Variants in NCKAP5 observed in about 807,000 individuals in gnomAD.
NCKAP5 encodes the protein NCK associated protein 5.
Under a neutral mutation model 167.0 loss-of-function variants are expected in NCKAP5, and 92 were observed. That is an observed-to-expected ratio of 0.55 (90% confidence interval 0.47 to 0.66). The LOEUF (loss-of-function observed/expected upper bound fraction) is 0.66. Ranked by LOEUF, NCKAP5 falls within the 30% of genes least tolerant of loss-of-function variation. The pLI, the probability that NCKAP5 is intolerant of heterozygous loss-of-function variation, is 0.00. For synonymous variants in NCKAP5, 891 were observed against 877.4 expected (o/e 1.02, Z -0.27); for missense variants, 2,378 against 2,315.0 (o/e 1.03, Z -0.56).
chr2:133,314,715 G>T (rs990153203), intron 3 of NCKAP5, among the ~76,000 whole-genome samples: 1 of 152,194 alleles, frequency 6.6e-6, no homozygotes, highest in African/African-American at 2.4e-5. Flanking sequence ...CTGCATGAAG[G>T]TAACATTTTT....
At chr2:132,884,199 T>C (rs984211008) in intron 8 of NCKAP5, among the ~76,000 whole-genome samples, 3 of 152,224 alleles carry the variant, frequency 2.0e-5, no homozygotes, top group South Asian at 2.1e-4. Context: ...GGTCTCATAA[T>C]GGACAGACAT....
chr2:133,157,344 T>C (rs2083613268), intron 5 of NCKAP5, among the ~76,000 whole-genome samples: 1 of 152,196 alleles, frequency 6.6e-6, no homozygotes, highest in Non-Finnish European at 1.5e-5. Context: ...CCACCACCTA[T>C]GAAAAGGCAT....
intron 3 of NCKAP5, among the ~76,000 whole-genome samples, chr2:133,355,409 A>G (rs1684642399): frequency 6.6e-6 from 1 of 152,236 alleles, no homozygotes; most frequent in African/African-American, 2.4e-5. Context: ...CAGCAAACAG[A>G]ACTTCTCAAG....
At chr2:132,778,360 T>G (rs1030554288) in intron 15 of NCKAP5, among the ~76,000 whole-genome samples, 3 of 152,098 alleles carry the variant, frequency 2.0e-5, no homozygotes, top group Non-Finnish European at 4.4e-5. Flanking sequence ...AAACATATTT[T>G]AGAATGTTTC....
At chr2:133,452,267 T>C (rs1047369415) in intron 3 of NCKAP5, among the ~76,000 whole-genome samples, 5 of 152,064 alleles carry the variant, frequency 3.3e-5, no homozygotes, top group Admixed American at 6.6e-5. Context: ...AAGGGAGAAT[T>C]TGAAGGACCA....
At chr2:133,561,494 A>G (rs1244320018) in intron 1 of NCKAP5, among the ~76,000 whole-genome samples, 3 of 152,214 alleles carry the variant, frequency 2.0e-5, no homozygotes, top group African/African-American at 7.2e-5. Flanking sequence ...AAGCTATACT[A>G]CATGTCAAAG....
intron 6 of NCKAP5, among the ~76,000 whole-genome samples, chr2:132,999,770 T>G (rs779501078): frequency 3.9e-5 from 6 of 152,220 alleles, no homozygotes; most frequent in Admixed American, 2.0e-4. Flanking sequence ...TCTAGCCCTC[T>G]GTTTTGATTA....
At chr2:133,410,042 A>G (rs1688677654) in intron 3 of NCKAP5, among the ~76,000 whole-genome samples, 1 of 152,226 alleles carries the variant, frequency 6.6e-6, no homozygotes, top group Non-Finnish European at 1.5e-5. Flanking sequence ...AGACTCAGCA[A>G]AGCAAAGGCT....
At chr2:133,329,538 A>G (rs1283437079) in intron 3 of NCKAP5, among the ~76,000 whole-genome samples, 1 of 152,168 alleles carries the variant, frequency 6.6e-6, no homozygotes, top group Non-Finnish European at 1.5e-5. Context: ...GGGGGTATTG[A>G]AAGATGGGCA....
intron 6 of NCKAP5, among the ~76,000 whole-genome samples, chr2:133,082,769 G>A (rs1205979436): frequency 6.6e-6 from 1 of 152,076 alleles, no homozygotes; most frequent in African/African-American, 2.4e-5. Context: ...TGTGATTCCC[G>A]ATGGCCTACT....
chr2:133,531,049 G>A (rs1685317089), intron 2 of NCKAP5, among the ~76,000 whole-genome samples: 1 of 152,004 alleles, frequency 6.6e-6, no homozygotes, highest in South Asian at 2.1e-4. Context: ...AACTTATTGG[G>A]GTGGTATTTT....
intron 8 of NCKAP5, among the ~76,000 whole-genome samples, chr2:132,935,232 A>C (rs1696751379): frequency 6.6e-6 from 1 of 152,220 alleles, no homozygotes; most frequent in Non-Finnish European, 1.5e-5. Flanking sequence ...ATCCACCTTG[A>C]AACAAGCCAT....
chr2:132,846,120 C>G (rs892613709), intron 11 of NCKAP5, among the ~76,000 whole-genome samples: 2 of 151,826 alleles, frequency 1.3e-5, no homozygotes, highest in Non-Finnish European at 2.9e-5. Context: ...GCGTGTTTTT[C>G]TAATATCAGC....
chr2:132,801,903 T>A (rs1333699487), intron 11 of NCKAP5, among the ~76,000 whole-genome samples: 2 of 152,136 alleles, frequency 1.3e-5, no homozygotes, highest in Non-Finnish European at 2.9e-5. Flanking sequence ...AGCTCTCTAG[T>A]TAATGATGGC....
chr2:133,297,635 T>G (rs1476773789), intron 4 of NCKAP5, among the ~76,000 whole-genome samples: 1 of 152,196 alleles, frequency 6.6e-6, no homozygotes, highest in Non-Finnish European at 1.5e-5. Context: ...CACCTAGTCC[T>G]ATATTATTTA....
At chr2:133,618,365 G>A in the NCKAP5 span, among the ~76,000 whole-genome samples, 1 of 151,068 alleles carries the variant, frequency 6.6e-6, no homozygotes, top group Non-Finnish European at 1.5e-5. Flanking sequence ...GAGTGAACAG[G>A]CAACCTACAA....
chr2:132,692,109 ATTTTAT>A (rs1401389483), intron 19 of NCKAP5, among the ~76,000 whole-genome samples: 2 of 25,688 alleles, frequency 7.8e-5, no homozygotes, highest in African/African-American at 4.5e-4. Context: ...AGCCTGCTTG[ATTTTAT>A]TTTATTTTAT....
At chr2:133,277,080 A>G (rs2089759990) in intron 4 of NCKAP5, among the ~76,000 whole-genome samples, 1 of 152,174 alleles carries the variant, frequency 6.6e-6, no homozygotes, top group Non-Finnish European at 1.5e-5. Flanking sequence ...TAACATCAGT[A>G]TCTCACTTAA....
intron 5 of NCKAP5, among the ~76,000 whole-genome samples, chr2:133,200,061 C>T (rs201522904): frequency 1.8e-3 from 202 of 109,302 alleles, no homozygotes; most frequent in Non-Finnish European, 2.0e-3. Flanking sequence ...TTTTTTCTTT[C>T]TTTTTTTTTT....
Sources: gnomAD v4.1 joint callset for allele counts (sites outside exome capture counted in the v4.1 genomes callset) on GRCh38, gnomAD v4.1.1 for gene constraint, MANE v1.5 for transcripts, NCBI Gene and HGNC (gene_info 2026-07-23, HGNC 2026-07-21) for gene names.